The following HAGH variants were observed in gnomAD, a reference collection of about 807,000 sequenced individuals.
The protein encoded by HAGH is hydroxyacylglutathione hydrolase, mitochondrial.
A neutral mutation model predicts 35.1 loss-of-function variants in HAGH; 29 were observed. The ratio of observed to expected loss-of-function variants is 0.83; its 90% CI spans 0.62 to 1.13. The LOEUF (loss-of-function observed/expected upper bound fraction) is 1.13, where lower values mean the gene tolerates loss of function less well. Among genes scored for constraint, HAGH ranks in the 50% most tolerant of loss-of-function variants. The pLI is 0.00. For synonymous variants in HAGH, 225 were observed against 176.1 expected, an observed-to-expected ratio of 1.28 and a Z score of -2.20; for missense variants, 478 against 419.6, an observed-to-expected ratio of 1.14 and a Z score of -1.22.
intron 7 of HAGH, among the ~76,000 whole-genome samples, chr16:1,811,358 G>A (rs2262271): frequency 4.0e-5 from 6 of 151,808 alleles, no homozygotes; most frequent in Non-Finnish European, 5.9e-5. Flanking sequence ...AGGCTGCAGC[G>A]AGCCAAGACC....
At chr16:1,825,706 T>A (rs1898371169) in intron 1 of HAGH, among the ~76,000 whole-genome samples, 1 of 152,182 alleles carries the variant, frequency 6.6e-6, no homozygotes, top group South Asian at 2.1e-4. Context: ...CCAAAGTGAC[T>A]GAGACTACAG....
At chr16:1,817,582 C>T (rs1412340902) in intron 5 of HAGH, among the ~76,000 whole-genome samples, 5 of 152,216 alleles carry the variant, frequency 3.3e-5, no homozygotes, top group Non-Finnish European at 5.9e-5. Context: ...TCCCCAAACA[C>T]GCAGCAGCCC....
At chr16:1,810,054 A>G in intron 7 of HAGH, 1 of 559,664 alleles carries the variant, frequency 1.8e-6, no homozygotes, top group Non-Finnish European at 3.2e-6. Flanking sequence ...GGTCCCAGCT[A>G]CTCAGGGGGC....
At chr16:1,814,023 G>A (rs368560060) in intron 7 of HAGH, among the ~76,000 whole-genome samples, 2 of 152,220 alleles carry the variant, frequency 1.3e-5, no homozygotes, top group South Asian at 2.1e-4. Flanking sequence ...CCCTCACCTC[G>A]CACCACACAC....
At chr16:1,814,116 G>A (rs1897780738) in intron 7 of HAGH, among the ~76,000 whole-genome samples, 1 of 152,156 alleles carries the variant, frequency 6.6e-6, no homozygotes, top group African/African-American at 2.4e-5. Flanking sequence ...AGAAACACAG[G>A]AGAAAGTCTT....
rs964979556 is a variant in HAGH at position 1,809,680 on chromosome 16, G to A, written c.827+74C>T. The A allele has an allele frequency of 7.5e-5, 81 of 1,086,932 alleles. No individual in the cohort carries two copies. In the East Asian group the frequency reaches 1.2e-3, roughly 15 times the overall value. 67.3% of individuals were successfully genotyped at this position (1,086,932 alleles called of 1,614,324 possible). A position where few individuals can be genotyped will look rare whatever the true frequency, so the allele number is the denominator to read the frequency against. On this transcript the variant is annotated intron_variant, in intron 8 of 8. Transcript: ENST00000397356. ...GCCTCAGCCATCTGGGGTCTCGGAC[G>A]TACCGGCTGTGTGTGCAGCAGTGGG...
Position 1,818,823 on chromosome 16 carries a change from C to G in HAGH, c.541+292G>C, listed in dbSNP as rs1419138388. 7.2e-6 allele frequency: 3 copies of G among 415,962 alleles called. No homozygotes were observed. In the East Asian group the frequency reaches 1.4e-4, roughly 19 times the overall value. The allele number at this position is 415,962 out of a possible 1,614,324, so 25.8% of individuals were successfully genotyped here. On this transcript the variant is annotated intron_variant, in intron 5 of 8. Coordinates refer to ENST00000397356, the MANE Select transcript of HAGH (RefSeq NM_005326.6). ...GCCCCAGGGCTGAGCCACCCCTCGC[C>G]CTGCTGGAAGAAACTGACTCCTTTC...
intron 2 of HAGH, among the ~76,000 whole-genome samples, 174 bp downstream of exon 2, chr16:1,822,691 G>A (rs1898206187): frequency 6.6e-6 from 1 of 152,252 alleles, no homozygotes; most frequent in South Asian, 2.1e-4. Flanking sequence ...CGCTTTCTGT[G>A]TCACTGCCTC....
chr16:1,816,830 C>G (rs370588532), intron 7 of HAGH, 63 bp downstream of exon 7: 22 of 1,032,270 alleles, frequency 2.1e-5, no homozygotes, highest in Non-Finnish European at 2.9e-5. Flanking sequence ...CTGGCGACCC[C>G]GCTGTGCACA....
chr16:1,817,469 A>C (rs1358236632), intron 5 of HAGH, among the ~76,000 whole-genome samples, 198 bp from the exon 6 acceptor site: 1 of 152,066 alleles, frequency 6.6e-6, no homozygotes, highest in East Asian at 1.9e-4. Context: ...CTGACAGTCC[A>C]ACCACCCAAC....
At chr16:1,824,325 GC>G (rs3834554) in intron 1 of HAGH, among the ~76,000 whole-genome samples, 41,504 of 151,888 alleles carry the variant, frequency 0.27, 5,987 homozygotes, top group East Asian at 0.44. Context: ...GGCCACAACT[GC>G]CCCCAGATTC....
In HAGH at chr16:1,809,262, C is replaced by T. The variant is rs529840260; in HGVS notation, c.*21G>A. The T allele has an allele frequency of 2.5e-5, 39 of 1,538,002 alleles. No homozygotes were observed. In the South Asian group the frequency reaches 3.4e-4, roughly 14 times the overall value. On this transcript the variant is annotated 3_prime_UTR_variant, in exon 9 of 9. Coordinates refer to ENST00000397356, the MANE Select transcript of HAGH (RefSeq NM_005326.6). ...CCTAAAAGAGCCTAATCCCCAAATC[C>T]GCTGAAGGTGCAGGGCGGCCTCAGT...
rs766325639 is a variant in HAGH at position 1,822,922 on chromosome 16, C to A, written c.192G>T (p.Leu64=). The A allele has an allele frequency of 1.2e-6, 2 of 1,613,898 alleles. No individual in the cohort carries two copies. Among genetic ancestry groups the A allele is most frequent in the Non-Finnish European group, 1.7e-6 (2 of 1,179,940 alleles). Residue 64 remains leucine, a synonymous_variant, in exon 2 of 9, where the codon CTG becomes CTT. Transcript: ENST00000397356. The part of the protein sequence containing the change: ...LPALTDNYMY[L]VIDDETKEAA... ...CCTCCTTGGTCTCATCATCAATGAC[C>A]AGGTACATGTAGTTGTCGGTCAGGG...
At chr16:1,823,146 T>A (rs547299218) in intron 1 of HAGH, 109 bp from the exon 2 acceptor site, 2 of 953,328 alleles carry the variant, frequency 2.1e-6, no homozygotes, top group South Asian at 2.9e-5. Flanking sequence ...AAAAGGAATA[T>A]TCTGGCCAGG....
chr16:1,827,095 G>A (rs532501579), upstream of HAGH: 3 of 1,271,606 alleles, frequency 2.4e-6, no homozygotes, highest in East Asian at 2.5e-5. Context: ...GCGCCACGCC[G>A]CCCGGGTACC....
chr16:1,809,895 G>A (rs867176473), intron 7 of HAGH, 62 bp from the exon 8 acceptor site: 2 of 1,259,938 alleles, frequency 1.6e-6, no homozygotes, highest in Middle Eastern at 1.8e-4. Flanking sequence ...CAGGCACGGA[G>A]GCTCACGTCT....
intron 3 of HAGH, among the ~76,000 whole-genome samples, chr16:1,821,292 C>T (rs1012879839): frequency 3.9e-5 from 6 of 152,174 alleles, no homozygotes; most frequent in Non-Finnish European, 7.3e-5. Flanking sequence ...TGAACCATGA[C>T]GCTTCCATCA....
Position 1,809,321 on chromosome 16 carries a change from G to A in HAGH, c.889C>T (p.Arg297Cys), listed in dbSNP as rs750295513. 2.6e-5 allele frequency: 42 copies of A among 1,613,584 alleles called. No individual in the cohort carries two copies. The highest frequency in any genetic ancestry group is 8.9e-5 in the East Asian group (4 of 44,876). The change falls in exon 9 of 9, where the codon CGC becomes TGC. Residue 297 changes from arginine to cysteine, a missense_variant. Coordinates refer to ENST00000397356, the MANE Select transcript of HAGH (RefSeq NM_005326.6). ...TDPVTTMRAV[R>C]REKDQFKMPR... is the part of the protein sequence containing the mutation. ...ATCTTGAACTGGTCCTTCTCCCTGC[G>A]CACGGCCCGCATGGTGGTCACCGGG...
chr16:1,823,821 C>T (rs1423256005), intron 1 of HAGH, among the ~76,000 whole-genome samples: 5 of 149,180 alleles, frequency 3.4e-5, no homozygotes, highest in Non-Finnish European at 7.4e-5. Flanking sequence ...CTAACTCATG[C>T]TCACATTCAT....
Sources: gnomAD v4.1 joint callset for allele counts (sites outside exome capture counted in the v4.1 genomes callset) on GRCh38, gnomAD v4.1.1 for gene constraint, MANE v1.5 for transcripts, NCBI Gene and HGNC (gene_info 2026-07-23, HGNC 2026-07-21) for gene names.